Variants in IL1RAPL1 observed in about 807,000 individuals in gnomAD.
IL1RAPL1 encodes the protein interleukin 1 receptor accessory protein like 1.
Under a neutral mutation model 48.4 loss-of-function variants are expected in IL1RAPL1, and 3 were observed. That is an observed-to-expected ratio of 0.06 (90% confidence interval 0.03 to 0.16). The LOEUF is 0.16. IL1RAPL1 is among the 10% of genes least tolerant of loss of function. The probability of loss-of-function intolerance (pLI) is 1.00; values close to 1 mark genes in which losing one functional copy is unlikely to be tolerated. For synonymous variants in IL1RAPL1, 185 were observed against 187.7 expected (o/e 0.99, Z 0.12); for missense variants, 349 against 530.6 (o/e 0.66, Z 3.36).
At position 29,246,150 on chromosome X, in the gene IL1RAPL1, C is replaced by CTTTT. The variant is rs761809643; in HGVS notation, c.83-36766_83-36763dup. Among the ~76,000 whole-genome samples, 29 of 52,005 alleles carry CTTTT rather than the reference C, an allele frequency of 5.6e-4. 1 individual carries two copies. Among genetic ancestry groups the CTTTT allele is most frequent in the East Asian group, 1.3e-3 (2 of 1,506 alleles). The allele number at this position is 52,005 out of a possible 115,157, so 45.2% of individuals were successfully genotyped here. On this transcript the variant is annotated intron_variant, in intron 2 of 10. Coordinates refer to ENST00000378993, the MANE Select transcript of IL1RAPL1 (RefSeq NM_014271.4). ...AGATTTGTTGTCATCTCTCATCGCTCTTTTTTTTTTTTTTTTTTTTTTTTT... is the reference window on the plus strand; with the variant it reads ...AGATTTGTTGTCATCTCTCATCGCTCTTTTTTTTTTTTTTTTTTTTTTTTTTTTT...
chrX:29,839,758 T>C (rs181694409), intron 6 of IL1RAPL1, among the ~76,000 whole-genome samples: 27 of 111,001 alleles, frequency 2.4e-4, no homozygotes, highest in African/African-American at 8.9e-4. Flanking sequence ...TCTACAAAAA[T>C]ATTTTTTTTA....
chrX:29,769,210 C>A (rs982120322), intron 6 of IL1RAPL1, among the ~76,000 whole-genome samples: 8 of 110,407 alleles, frequency 7.2e-5, no homozygotes, highest in Non-Finnish European at 1.5e-4. Context: ...TATTTTATTT[C>A]TTTTTATTAC....
chrX:28,611,304 G>A (rs1934144533), intron 1 of IL1RAPL1, among the ~76,000 whole-genome samples: 1 of 111,405 alleles, frequency 9.0e-6, no homozygotes, highest in African/African-American at 3.3e-5. Context: ...TCAAGAGCGC[G>A]GTAGGAGAGC....
At chrX:29,054,449 C>T (rs1177224325) in intron 2 of IL1RAPL1, among the ~76,000 whole-genome samples, 1 of 111,239 alleles carries the variant, frequency 9.0e-6, no homozygotes, top group African/African-American at 3.3e-5. Context: ...TCGCTTACCA[C>T]CACCTGTTAA....
At chrX:28,948,920 C>G (rs1924376312) in intron 2 of IL1RAPL1, among the ~76,000 whole-genome samples, 1 of 111,364 alleles carries the variant, frequency 9.0e-6, no homozygotes, top group Non-Finnish European at 1.9e-5. Flanking sequence ...TAGCAATATA[C>G]TGTAATGAAA....
chrX:29,831,773 C>T lies in IL1RAPL1; in HGVS notation c.779-85691C>T, dbSNP rs1457186963. ...AGAAACAAATATATATAGTCAGAAG[C>T]AGTGATAAAACAGAAACTTTTCCCC... On this transcript the variant is annotated intron_variant, in intron 6 of 10. Coordinates refer to ENST00000378993, the MANE Select transcript of IL1RAPL1 (RefSeq NM_014271.4). Among the ~76,000 whole-genome samples the T allele has an allele frequency of 2.7e-5, 3 of 111,369 alleles. No individual in the cohort carries two copies. The East Asian group carries it at 8.5e-4, about 31-fold the overall frequency.
intron 1 of IL1RAPL1, among the ~76,000 whole-genome samples, chrX:28,632,183 C>T (rs936172267): frequency 1.8e-5 from 2 of 111,518 alleles, no homozygotes; most frequent in African/African-American, 6.5e-5. Flanking sequence ...ATCAAGGTGT[C>T]GTTAATGGTG....
chrX:29,680,901 G>C (rs62586512), intron 6 of IL1RAPL1, among the ~76,000 whole-genome samples: 155 of 111,976 alleles, frequency 1.4e-3, no homozygotes, highest in Admixed American at 2.2e-3. Flanking sequence ...TAAGCCTGCA[G>C]AGTATGTTCT....
At chrX:29,388,979 C>G (rs1281600412) in intron 3 of IL1RAPL1, among the ~76,000 whole-genome samples, 1 of 112,127 alleles carries the variant, frequency 8.9e-6, no homozygotes. Context: ...CAGCATACAG[C>G]TTACTTCTTT....
chrX:28,800,803 T>C (rs1325706779), intron 2 of IL1RAPL1, among the ~76,000 whole-genome samples: 1 of 110,845 alleles, frequency 9.0e-6, no homozygotes, highest in Non-Finnish European at 1.9e-5. Context: ...AAGTATATAT[T>C]GTACAAAATC....
At chrX:29,378,851 C>A (rs1471842494) in intron 3 of IL1RAPL1, among the ~76,000 whole-genome samples, 1 of 112,247 alleles carries the variant, frequency 8.9e-6, no homozygotes, top group Non-Finnish European at 1.9e-5. Context: ...TTCCACCATG[C>A]CCACATTTAT....
chrX:28,662,721 A>G lies in IL1RAPL1; in HGVS notation c.-25+74674A>G, dbSNP rs149494679. Among the ~76,000 whole-genome samples, 373 of 111,897 alleles carry G rather than the reference A, an allele frequency of 3.3e-3. 3 individuals carry two copies. The highest frequency in any genetic ancestry group is 0.011 in the African/African-American group (351 of 30,763). On this transcript the variant is annotated intron_variant, in intron 1 of 10. Transcript: ENST00000378993. Reference sequence around the variant, plus strand: ...TGCAAATACATTAATTTAAACATATAATAGTGCGGCTTTCTCTGTCGGACA... The same window carrying G: ...TGCAAATACATTAATTTAAACATATGATAGTGCGGCTTTCTCTGTCGGACA...
At chrX:29,283,910 C>G (rs1257094308) in intron 3 of IL1RAPL1, among the ~76,000 whole-genome samples, 1 of 112,795 alleles carries the variant, frequency 8.9e-6, no homozygotes, top group Non-Finnish European at 1.9e-5. Context: ...GCCCATGTAA[C>G]ACATTCGCAG....
chrX:29,804,065 A>G (rs1319476761), intron 6 of IL1RAPL1, among the ~76,000 whole-genome samples: 1 of 111,801 alleles, frequency 8.9e-6, no homozygotes, highest in Non-Finnish European at 1.9e-5. Context: ...TGTGTGAGAA[A>G]AGAATAAAAT....
At chrX:29,430,719 A>G (rs970714686) in intron 5 of IL1RAPL1, among the ~76,000 whole-genome samples, 3 of 110,353 alleles carry the variant, frequency 2.7e-5, no homozygotes, top group African/African-American at 9.9e-5. Context: ...AGTCTAATGT[A>G]TACTTATAAT....
intron 2 of IL1RAPL1, among the ~76,000 whole-genome samples, chrX:29,257,789 T>A (rs1178350877): frequency 8.9e-6 from 1 of 111,966 alleles, no homozygotes; most frequent in African/African-American, 3.2e-5. Flanking sequence ...TATGATAACA[T>A]GTTGTTATAA....
chrX:29,876,555 C>G (rs1159734968), intron 6 of IL1RAPL1, among the ~76,000 whole-genome samples: 1 of 111,406 alleles, frequency 9.0e-6, no homozygotes, highest in African/African-American at 3.3e-5. Flanking sequence ...GAAATGTACT[C>G]AAGTTTTGAC....
intron 8 of IL1RAPL1, among the ~76,000 whole-genome samples, chrX:29,932,072 A>T (rs907904541): frequency 8.9e-5 from 10 of 112,130 alleles, no homozygotes; most frequent in African/African-American, 2.9e-4. Context: ...TTGTTATTAT[A>T]ACAGTATCTT....
intron 5 of IL1RAPL1, among the ~76,000 whole-genome samples, chrX:29,642,879 T>G (rs2147086307): frequency 8.9e-6 from 1 of 112,334 alleles, no homozygotes; most frequent in South Asian, 3.7e-4. Context: ...TTCCTTCCAA[T>G]AAGGTAACCA....
Sources: gnomAD v4.1 joint callset for allele counts (sites outside exome capture counted in the v4.1 genomes callset) on GRCh38, gnomAD v4.1.1 for gene constraint, MANE v1.5 for transcripts, NCBI Gene and HGNC (gene_info 2026-07-23, HGNC 2026-07-21) for gene names.